FLT1: variants seen among roughly 807,000 people sequenced by gnomAD.
FLT1 encodes the protein vascular endothelial growth factor receptor 1.
A neutral mutation model predicts 156.3 loss-of-function variants in FLT1; 49 were observed. That is an observed-to-expected ratio of 0.31 (90% confidence interval 0.25 to 0.40). FLT1 has a LOEUF of 0.40. Ranked by LOEUF, FLT1 falls within the 10% of genes least tolerant of loss-of-function variation. The probability of loss-of-function intolerance (pLI) is 1.00; values close to 1 mark genes in which losing one functional copy is unlikely to be tolerated. For missense variants in FLT1, 1,322 were observed against 1,637.2 expected (o/e 0.81, Z 3.32); for synonymous variants, 594 against 583.8 (o/e 1.02, Z -0.25).
At chr13:28,328,762 G>A (rs1871799082) in intron 19 of FLT1, among the ~76,000 whole-genome samples, 1 of 152,208 alleles carries the variant, frequency 6.6e-6, no homozygotes, top group African/African-American at 2.4e-5. Context: ...CGGAGCTGAC[G>A]GCCGCACATG....
At chr13:28,319,831 C>T (rs1048455962) in intron 23 of FLT1, among the ~76,000 whole-genome samples, 4 of 152,196 alleles carry the variant, frequency 2.6e-5, no homozygotes, top group African/African-American at 4.8e-5. Flanking sequence ...AGAAAGCCTG[C>T]ACTCCACAGG....
intron 29 of FLT1, among the ~76,000 whole-genome samples, 159 bp from the exon 30 acceptor site, chr13:28,303,527 G>T (rs1333540583): frequency 6.9e-6 from 1 of 144,348 alleles, no homozygotes; most frequent in African/African-American, 2.6e-5. Context: ...GATTTCCTCT[G>T]TTCTAAAGCT....
At chr13:28,469,100 C>G (rs1566046967) in intron 1 of FLT1, among the ~76,000 whole-genome samples, 2 of 152,168 alleles carry the variant, frequency 1.3e-5, no homozygotes, top group African/African-American at 4.8e-5. Flanking sequence ...AGCTGCAATG[C>G]CTCCGAAAGG....
chr13:28,438,447 G>T, intron 3 of FLT1, 102 bp from the exon 4 acceptor site: 2 of 866,454 alleles, frequency 2.3e-6, no homozygotes, highest in Non-Finnish European at 3.8e-6. Context: ...CCACAGTCAC[G>T]TCATTCTCCC....
chr13:28,402,739 C>T lies in FLT1; in HGVS notation c.1551+3041G>A, dbSNP rs191482881. 2.5e-3 allele frequency among the ~76,000 whole-genome samples: 374 copies of T among 152,086 alleles called. 1 individual carries two copies. The highest frequency in any genetic ancestry group is 0.011 in the South Asian group (52 of 4,816). On this transcript the variant is annotated intron_variant, in intron 11 of 29. Coordinates refer to ENST00000282397, the MANE Select transcript of FLT1 (RefSeq NM_002019.4). ...TTACTAAAGTAGTACTTGTATAGGG[C>T]TTTCTCATTATGTTATGTTATGTTA...
At chr13:28,325,400 C>T (rs1871635861) in intron 20 of FLT1, among the ~76,000 whole-genome samples, 1 of 152,182 alleles carries the variant, frequency 6.6e-6, no homozygotes, top group South Asian at 2.1e-4. Flanking sequence ...AGTTCTTTCA[C>T]CTTCTGACTT....
chr13:28,372,566 GTATATATATATATA>G (rs57608920), intron 14 of FLT1, among the ~76,000 whole-genome samples: 1,216 of 91,458 alleles, frequency 0.013, 52 homozygotes, highest in African/African-American at 0.04. Context: ...TAAATAAAAT[GTATATATATATATA>G]TATATATATA....
intron 10 of FLT1, among the ~76,000 whole-genome samples, chr13:28,422,327 T>A (rs9513109): frequency 0.74 from 112,845 of 151,736 alleles, 42,074 homozygotes; most frequent in Non-Finnish European, 0.75. Context: ...TTCCCATGAG[T>A]GGGGAATAAC....
intron 1 of FLT1, among the ~76,000 whole-genome samples, chr13:28,492,082 A>C (rs1881504974): frequency 6.6e-6 from 1 of 152,238 alleles, no homozygotes; most frequent in Non-Finnish European, 1.5e-5. Flanking sequence ...TAGACCAAAA[A>C]AAAGTGCAGC....
At chr13:28,447,352 T>A (rs1272320196) in intron 3 of FLT1, among the ~76,000 whole-genome samples, 4 of 151,508 alleles carry the variant, frequency 2.6e-5, no homozygotes, top group Non-Finnish European at 5.9e-5. Context: ...CTAATTTTTT[T>A]TTAAAAATTT....
At chr13:28,347,516 A>T (rs973037604) in intron 15 of FLT1, among the ~76,000 whole-genome samples, 1 of 152,094 alleles carries the variant, frequency 6.6e-6, no homozygotes, top group Non-Finnish European at 1.5e-5. Flanking sequence ...GTGAGACTCC[A>T]TCTCAAAACC....
chr13:28,478,376 A>G (rs1054512256), intron 1 of FLT1, among the ~76,000 whole-genome samples: 1 of 152,202 alleles, frequency 6.6e-6, no homozygotes, highest in Admixed American at 6.5e-5. Context: ...ATTACTGTTC[A>G]GTGTCAAAGT....
At chr13:28,367,641 TG>T (rs1369258729) in intron 14 of FLT1, among the ~76,000 whole-genome samples, 14 of 152,252 alleles carry the variant, frequency 9.2e-5, no homozygotes. Context: ...TAAATAAATC[TG>T]TAGAGCTTTT....
intron 1 of FLT1, among the ~76,000 whole-genome samples, chr13:28,473,729 A>AAG (rs1880335997): frequency 1.5e-4 from 13 of 84,312 alleles, no homozygotes; most frequent in South Asian, 5.0e-4. Context: ...AAAGAAAGAA[A>AAG]GAAGGAAGGA....
Position 28,453,111 on chromosome 13 carries a change from C to T in FLT1, c.388+13792G>A, listed in dbSNP as rs545870016. ...CCTTTCCTTTCCTTTCCTTTCCTTT[C>T]CTTTCCTTTCCTTTCCTTTCCTTTC... On this transcript the variant is annotated intron_variant, in intron 3 of 29. Coordinates refer to ENST00000282397, the MANE Select transcript of FLT1 (RefSeq NM_002019.4). Among the ~76,000 whole-genome samples, 67 of 81,454 alleles carry T rather than the reference C, an allele frequency of 8.2e-4. 2 individuals are homozygous for T. Among genetic ancestry groups the T allele is most frequent in the African/African-American group, 3.1e-3 (65 of 20,648 alleles). The allele number at this position is 81,454 out of a possible 152,430, so 53.4% of individuals were successfully genotyped here.
chr13:28,437,333 AG>A (rs1437916216), intron 4 of FLT1, among the ~76,000 whole-genome samples: 2 of 152,176 alleles, frequency 1.3e-5, no homozygotes, highest in African/African-American at 4.8e-5. Flanking sequence ...TTCAGGACTC[AG>A]GGTTGATGGG....
chr13:28,448,419 C>T (rs1052486272), intron 3 of FLT1, among the ~76,000 whole-genome samples: 16 of 152,164 alleles, frequency 1.1e-4, no homozygotes, highest in African/African-American at 3.1e-4. Flanking sequence ...TGGAATATTA[C>T]TCAGAAATAG....
rs749361201 is a variant in FLT1 at position 28,389,911 on chromosome 13, A to T, written c.1854T>A (p.Thr618=). Residue 618 remains threonine, a synonymous_variant, in exon 13 of 30, where the codon ACT becomes ACA. Coordinates refer to ENST00000282397, the MANE Select transcript of FLT1 (RefSeq NM_002019.4). ...AAACATTCATGATGGTAAGATTAAGAGTGATGGAGTGCTCCTTAGTGATGG... is the reference window on the plus strand; with the variant it reads ...AAACATTCATGATGGTAAGATTAAGTGTGATGGAGTGCTCCTTAGTGATGG... ...KMAITKEHSI[T]LNLTIMNVSL... 3.7e-6 allele frequency: 6 copies of T among 1,614,038 alleles called. No individual in the cohort carries two copies. In the Admixed American group the frequency reaches 1.0e-4, roughly 27 times the overall value.
intron 13 of FLT1, chr13:28,385,470 G>A: frequency 9.0e-6 from 9 of 1,000,838 alleles, no homozygotes; most frequent in Non-Finnish European, 1.1e-5. Flanking sequence ...AGTTTTGATT[G>A]ATGTATTTGT....
Sources: allele counts gnomAD v4.1 joint callset (sites outside exome capture counted in the v4.1 genomes callset), GRCh38; gene constraint gnomAD v4.1.1; transcripts MANE v1.5; gene names NCBI Gene and HGNC (gene_info 2026-07-23, HGNC 2026-07-21).